TTC17: variants seen among roughly 807,000 people sequenced by gnomAD.
The protein encoded by TTC17 is tetratricopeptide repeat protein 17.
TTC17 carries 58 observed loss-of-function variants against 143.8 expected under a neutral mutation model. The observed-to-expected ratio is 0.40, with a 90% CI of 0.33 to 0.50. The LOEUF (loss-of-function observed/expected upper bound fraction) is 0.50. Ranked by LOEUF, TTC17 falls within the 20% of genes least tolerant of loss-of-function variation. The pLI is 0.49. For missense variants in TTC17, 1,273 were observed against 1,392.5 expected (o/e 0.91, Z 1.37); for synonymous variants, 501 against 497.8 (o/e 1.01, Z -0.09).
intron 16 of TTC17, among the ~76,000 whole-genome samples, chr11:43,422,763 G>T (rs1946936746): frequency 6.6e-6 from 1 of 152,128 alleles, no homozygotes; most frequent in African/African-American, 2.4e-5. Flanking sequence ...TGGTAATCTT[G>T]TAAAAGCTTG....
rs528077352 is a variant in TTC17, at chr11:43,439,076, C to T, written c.2252-4249C>T. Among the ~76,000 whole-genome samples the T allele has an allele frequency of 6.5e-4, 99 of 152,334 alleles. 1 individual carries two copies. The highest frequency in any genetic ancestry group is 2.3e-3 in the African/African-American group (95 of 41,582). ...GCGTTGAAGATGGTTATTGTTCCTG[C>T]CTACCTTCCTTTCCTATGTCTTTGC... On this transcript the variant is annotated intron_variant, in intron 16 of 23. Transcript: ENST00000039989.
chr11:43,454,345 C>G lies in TTC17; in HGVS notation c.3030+3080C>G, dbSNP rs1314103479. On this transcript the variant is annotated intron_variant, in intron 21 of 23. Coordinates refer to ENST00000039989, the MANE Select transcript of TTC17 (RefSeq NM_018259.6). The stretch of plus-strand genomic sequence containing the variant: ...GTAATGGTATTATATAAAGGCCTTA[C>G]TCTATAGATACAATACAAGCCTTCC... Among the ~76,000 whole-genome samples the G allele has an allele frequency of 2.6e-5, 4 of 152,004 alleles. No homozygotes were observed. The South Asian group carries it at 8.3e-4, about 32-fold the overall frequency.
chr11:43,443,762 G>T (rs1947476574), intron 17 of TTC17, among the ~76,000 whole-genome samples, 178 bp downstream of exon 17: 1 of 152,170 alleles, frequency 6.6e-6, no homozygotes, highest in African/African-American at 2.4e-5. Flanking sequence ...TGTATTGCTG[G>T]CTCTTCTGGA....
chr11:43,479,247 GA>G lies in TTC17; in HGVS notation c.3031-10982del, dbSNP rs1037677084. Reference sequence around the variant, plus strand: ...AGAGCGAGACTCCATCTCAAAAAAAGAAAAAAAAAAGTTCCTTTATTTTTGT... The same window carrying G: ...AGAGCGAGACTCCATCTCAAAAAAAGAAAAAAAAAGTTCCTTTATTTTTGT... On this transcript the variant is annotated intron_variant, in intron 21 of 23. Transcript: ENST00000039989. 4.5e-4 allele frequency among the ~76,000 whole-genome samples: 65 copies of G among 145,884 alleles called. No homozygotes were observed. The East Asian group carries it at 7.6e-3, about 17-fold the overall frequency.
At chr11:43,362,774 C>G (rs1856170552) in intron 1 of TTC17, among the ~76,000 whole-genome samples, 1 of 152,184 alleles carries the variant, frequency 6.6e-6, no homozygotes. Context: ...TTGCATTTCA[C>G]AATCCCTGCC....
intron 16 of TTC17, among the ~76,000 whole-genome samples, chr11:43,419,083 A>T (rs946374197): frequency 6.6e-6 from 1 of 152,210 alleles, no homozygotes; most frequent in African/African-American, 2.4e-5. Flanking sequence ...ACAGCATATA[A>T]TTAAGCATTA....
chr11:43,452,945 G>C lies in TTC17; in HGVS notation c.3030+1680G>C, dbSNP rs561238074. Among the ~76,000 whole-genome samples, 3 of 152,010 alleles carry C rather than the reference G, an allele frequency of 2.0e-5. No individual in the cohort carries two copies. In the East Asian group the frequency reaches 5.8e-4, roughly 29 times the overall value. On this transcript the variant is annotated intron_variant, in intron 21 of 23. Coordinates refer to ENST00000039989, the MANE Select transcript of TTC17 (RefSeq NM_018259.6). ...CTCAAAAAGAAAAAAAAATTCGCCT[G>C]CATAAATAAAGATCACAAAGCAAAA...
chr11:43,414,168 A>G (rs2134621468), intron 15 of TTC17, among the ~76,000 whole-genome samples: 1 of 152,298 alleles, frequency 6.6e-6, no homozygotes, highest in South Asian at 2.1e-4. Flanking sequence ...AAGCTACAAA[A>G]GGACACATAT....
Position 43,391,937 on chromosome 11 carries a change from T to G in TTC17, c.648T>G (p.His216Gln). ...RSIDDIGHLIHEGLQKNTSSW... is the reference protein window; with the variant it reads ...RSIDDIGHLIQEGLQKNTSSW... ...TAGATGACATAGGTCACCTCATTCA[T>G]GAAGGCCTACAGAAGGTAAGTCATC... The change falls in exon 5 of 24, where the codon CAT (histidine) becomes CAG (glutamine). Residue 216 changes from histidine to glutamine, a missense_variant. This residue lies in a region of TTC17 where 325 missense variants were observed against 444.2 expected (regional missense o/e 0.73). Coordinates refer to ENST00000039989, the MANE Select transcript of TTC17 (RefSeq NM_018259.6). The G allele has an allele frequency of 6.2e-7, 1 of 1,610,056 alleles. No homozygotes were observed. The highest frequency in any genetic ancestry group is 1.3e-5 in the African/African-American group (1 of 74,714).
chr11:43,484,368 T>C (rs1459594310), intron 21 of TTC17, among the ~76,000 whole-genome samples: 4 of 152,168 alleles, frequency 2.6e-5, no homozygotes, highest in African/African-American at 9.7e-5. Flanking sequence ...TACATCGTTA[T>C]AAAAATATAA....
intron 1 of TTC17, among the ~76,000 whole-genome samples, chr11:43,360,416 T>G (rs1565124230): frequency 1.3e-5 from 2 of 152,212 alleles, no homozygotes; most frequent in South Asian, 4.1e-4. Context: ...TAAGACCATA[T>G]GTGAGTGCTG....
intron 3 of TTC17, 105 bp from the exon 4 acceptor site, chr11:43,391,360 C>A: frequency 1.3e-6 from 1 of 740,862 alleles, no homozygotes; most frequent in Non-Finnish European, 2.3e-6. Context: ...GATCATGCCA[C>A]TGCACTCCAG....
intron 16 of TTC17, among the ~76,000 whole-genome samples, chr11:43,441,764 C>G (rs1053343533): frequency 1.5e-4 from 23 of 152,336 alleles, no homozygotes; most frequent in Middle Eastern, 6.8e-3. Flanking sequence ...TCCATATTCT[C>G]TCTTCATTTG....
chr11:43,414,072 T>C (rs1946720132), intron 15 of TTC17, among the ~76,000 whole-genome samples: 1 of 152,232 alleles, frequency 6.6e-6, no homozygotes, highest in African/African-American at 2.4e-5. Flanking sequence ...GGTGTATTCT[T>C]ATGTTAGAAC....
intron 21 of TTC17, among the ~76,000 whole-genome samples, chr11:43,463,051 G>A (rs1011783161): frequency 1.3e-5 from 2 of 151,752 alleles, no homozygotes; most frequent in Non-Finnish European, 2.9e-5. Context: ...AAGTAGCTGG[G>A]ACTACAGGCG....
intron 21 of TTC17, among the ~76,000 whole-genome samples, chr11:43,481,064 AG>A (rs1948277851): frequency 7.5e-6 from 1 of 133,116 alleles, no homozygotes; most frequent in Non-Finnish European, 1.7e-5. Flanking sequence ...AGGAGGTAGT[AG>A]GCATAGTTAT....
chr11:43,407,220 G>A lies in TTC17; in HGVS notation c.1839+5G>A, dbSNP rs755414065. On this transcript the variant is annotated splice_donor_5th_base_variant and intron_variant, in intron 14 of 23. Coordinates refer to ENST00000039989, the MANE Select transcript of TTC17 (RefSeq NM_018259.6). Reference sequence around the variant, plus strand: ...TTATTTCATGCTATTAATAAGGTGAGTCATTTACTTTAGACATCTAAAACT... The same window carrying A: ...TTATTTCATGCTATTAATAAGGTGAATCATTTACTTTAGACATCTAAAACT... 26 of 1,585,274 alleles carry A rather than the reference G, an allele frequency of 1.6e-5. No homozygotes were observed. The highest frequency in any genetic ancestry group is 2.1e-5 in the Non-Finnish European group (24 of 1,166,148).
chr11:43,453,291 A>G (rs1414883799), intron 21 of TTC17, among the ~76,000 whole-genome samples: 2 of 152,204 alleles, frequency 1.3e-5, no homozygotes. Context: ...TATTTTGTTA[A>G]AAGGGTGCAC....
chr11:43,400,070 T>C (rs755671183), intron 9 of TTC17, 22 bp downstream of exon 9: 2 of 1,604,772 alleles, frequency 1.2e-6, no homozygotes, highest in Non-Finnish European at 1.7e-6. Flanking sequence ...CTCCAAGTAA[T>C]TGAAGACAGG....
Sources: gnomAD v4.1 joint callset for allele counts (sites outside exome capture counted in the v4.1 genomes callset) on GRCh38, gnomAD v4.1.1 for gene constraint, gnomAD v4.1.1 regional missense constraint, MANE v1.5 for transcripts, NCBI Gene and HGNC (gene_info 2026-07-23, HGNC 2026-07-21) for gene names.